The following CALN1 variants were observed in gnomAD, a reference collection of about 807,000 sequenced individuals.
CALN1 encodes the protein calcium-binding protein 8.
In CALN1, 17 loss-of-function variants were observed where a neutral mutation model predicts 30.6. The observed-to-expected ratio is 0.56, with a 90% CI of 0.38 to 0.83. The LOEUF (loss-of-function observed/expected upper bound fraction) is 0.83. Ranked by LOEUF, CALN1 falls within the 40% of genes least tolerant of loss-of-function variation. The pLI, the probability that CALN1 is intolerant of heterozygous loss-of-function variation, is 0.00. For synonymous variants in CALN1, 156 were observed against 131.4 expected, an observed-to-expected ratio of 1.19 and a Z score of -1.28; for missense variants, 291 against 354.9, an observed-to-expected ratio of 0.82 and a Z score of 1.45.
At chr7:72,152,524 C>T (rs960862004) in intron 3 of CALN1, among the ~76,000 whole-genome samples, 2 of 152,156 alleles carry the variant, frequency 1.3e-5, no homozygotes, top group African/African-American at 4.8e-5. Flanking sequence ...TTTGATACAA[C>T]CTATCTACCT....
intron 4 of CALN1, among the ~76,000 whole-genome samples, chr7:72,043,027 A>G (rs1364886070): frequency 1.3e-5 from 2 of 152,352 alleles, no homozygotes; most frequent in East Asian, 3.9e-4. Context: ...ATTTCGACCT[A>G]GAGCAGGAAT....
At chr7:72,145,661 A>G (rs1322805987) in intron 3 of CALN1, among the ~76,000 whole-genome samples, 2 of 152,332 alleles carry the variant, frequency 1.3e-5, no homozygotes, top group South Asian at 2.1e-4. Flanking sequence ...TGGCAGAGAC[A>G]CAACAAAAAA....
At chr7:72,495,358 G>C in the CALN1 span, among the ~76,000 whole-genome samples, 1 of 152,174 alleles carries the variant, frequency 6.6e-6, no homozygotes, top group African/African-American at 2.4e-5. Context: ...CCCAGGCTGG[G>C]TCAGTTCCTC....
chr7:72,339,594 C>T (rs1802288436), intron 2 of CALN1, among the ~76,000 whole-genome samples: 1 of 152,184 alleles, frequency 6.6e-6, no homozygotes, highest in Non-Finnish European at 1.5e-5. Flanking sequence ...TTCCCTGTAT[C>T]AGTCTGTTCT....
chr7:72,207,584 G>A (rs1312668303), intron 3 of CALN1, among the ~76,000 whole-genome samples: 1 of 151,920 alleles, frequency 6.6e-6, no homozygotes, highest in Admixed American at 6.6e-5. Context: ...TGGTAGTGCT[G>A]GGATTACAGG....
chr7:71,955,637 C>T (rs1056204094), intron 5 of CALN1, among the ~76,000 whole-genome samples: 3 of 151,980 alleles, frequency 2.0e-5, no homozygotes, highest in Non-Finnish European at 4.4e-5. Flanking sequence ...CATTGCCTTC[C>T]TTAGATTAAA....
intron 4 of CALN1, among the ~76,000 whole-genome samples, chr7:72,040,257 T>C (rs1802042906): frequency 6.6e-6 from 1 of 152,014 alleles, no homozygotes; most frequent in Non-Finnish European, 1.5e-5. Context: ...GGAGGATCCC[T>C]TGAGCCCAGG....
intron 2 of CALN1, among the ~76,000 whole-genome samples, chr7:72,348,823 C>G (rs528380091): frequency 6.6e-6 from 1 of 152,314 alleles, no homozygotes; most frequent in East Asian, 1.9e-4. Context: ...AATCCAATGC[C>G]TAGCAAAGAA....
At chr7:72,406,622 T>TTTTTGC (rs1554402599) in intron 1 of CALN1, among the ~76,000 whole-genome samples, 2 of 92,204 alleles carry the variant, frequency 2.2e-5, no homozygotes, top group African/African-American at 5.8e-5. Context: ...CAGCTTTTTT[T>TTTTTGC]TTTTTCTTTT....
At chr7:72,327,958 T>C (rs1801393939) in intron 2 of CALN1, among the ~76,000 whole-genome samples, 1 of 152,044 alleles carries the variant, frequency 6.6e-6, no homozygotes. Context: ...CAGCAATACC[T>C]CAAATTCAAC....
At chr7:72,298,063 A>C (rs546500092) in intron 2 of CALN1, among the ~76,000 whole-genome samples, 15 of 152,310 alleles carry the variant, frequency 9.8e-5, no homozygotes, top group Middle Eastern at 6.8e-3. Flanking sequence ...CATTTCCAAA[A>C]ACATCTATTT....
At chr7:71,887,773 G>C (rs972528451) in intron 5 of CALN1, among the ~76,000 whole-genome samples, 2 of 152,204 alleles carry the variant, frequency 1.3e-5, no homozygotes, top group African/African-American at 4.8e-5. Context: ...GGGATGTAGA[G>C]TTAGCAGAGT....
intron 5 of CALN1, among the ~76,000 whole-genome samples, chr7:71,904,193 T>C (rs370480655): frequency 4.6e-5 from 7 of 152,190 alleles, no homozygotes; most frequent in African/African-American, 1.7e-4. Flanking sequence ...GCAATCCCAC[T>C]ACTGGGTACA....
At chr7:72,031,048 A>G (rs1163683011) in intron 4 of CALN1, among the ~76,000 whole-genome samples, 1 of 152,166 alleles carries the variant, frequency 6.6e-6, no homozygotes, top group African/African-American at 2.4e-5. Context: ...CCATTTGACA[A>G]ATGAGAAAAC....
chr7:71,865,573 T>C (rs1361853374), intron 5 of CALN1, among the ~76,000 whole-genome samples: 1 of 152,232 alleles, frequency 6.6e-6, no homozygotes, highest in Non-Finnish European at 1.5e-5. Context: ...CCCTGCCTCG[T>C]TGGCTTTATT....
intron 3 of CALN1, among the ~76,000 whole-genome samples, chr7:72,258,055 T>G (rs1188951218): frequency 6.6e-6 from 1 of 152,054 alleles, no homozygotes; most frequent in East Asian, 1.9e-4. Flanking sequence ...ATCTCAGATA[T>G]CACCACTGAA....
intron 2 of CALN1, among the ~76,000 whole-genome samples, chr7:72,373,878 T>C (rs748743204): frequency 6.6e-6 from 1 of 152,190 alleles, no homozygotes; most frequent in Non-Finnish European, 1.5e-5. Context: ...AGAAAAATGA[T>C]GCATTGCTTG....
chr7:72,295,552 G>A (rs1798793635), intron 2 of CALN1, among the ~76,000 whole-genome samples: 2 of 147,816 alleles, frequency 1.4e-5, no homozygotes, highest in South Asian at 4.5e-4. Flanking sequence ...GCAGTGGTTT[G>A]TAGTTCTCCT....
intron 1 of CALN1, among the ~76,000 whole-genome samples, chr7:72,407,922 T>G (rs1806815144): frequency 6.6e-6 from 1 of 152,058 alleles, no homozygotes. Flanking sequence ...GGGAAGATTG[T>G]CCCTACTCCT....
Sources: allele counts gnomAD v4.1 joint callset (sites outside exome capture counted in the v4.1 genomes callset), GRCh38; gene constraint gnomAD v4.1.1; transcripts MANE v1.5; gene names NCBI Gene and HGNC (gene_info 2026-07-23, HGNC 2026-07-21).